Variants in SLC44A5 observed in about 807,000 individuals in gnomAD.
The protein encoded by SLC44A5 is choline transporter-like protein 5.
Under a neutral mutation model 101.8 loss-of-function variants are expected in SLC44A5, and 57 were observed. The observed-to-expected ratio is 0.56, with a 90% CI of 0.45 to 0.70. SLC44A5 has a LOEUF of 0.70. Ranked by LOEUF, SLC44A5 falls within the 30% of genes least tolerant of loss-of-function variation. The pLI is 0.00. For missense variants in SLC44A5, 737 were observed against 853.1 expected, an observed-to-expected ratio of 0.86 and a Z score of 1.70; for synonymous variants, 281 against 290.9, an observed-to-expected ratio of 0.97 and a Z score of 0.35.
chr1:75,436,080 T>C (rs1182229499), intron 2 of SLC44A5, among the ~76,000 whole-genome samples: 1 of 152,210 alleles, frequency 6.6e-6, no homozygotes, highest in Admixed American at 6.5e-5. Context: ...AACAAATTTG[T>C]ATTTTATTTC....
chr1:75,206,856 A>G (rs1646758300), intron 23 of SLC44A5: 11 of 562,986 alleles, frequency 2.0e-5, no homozygotes, highest in Non-Finnish European at 3.1e-6. Flanking sequence ...AAATTAGTGC[A>G]GTTTACTTGC....
At chr1:75,216,013 TA>T (rs1646954829) in intron 18 of SLC44A5, among the ~76,000 whole-genome samples, 156 bp from the exon 19 acceptor site, 2 of 152,088 alleles carry the variant, frequency 1.3e-5, no homozygotes, top group African/African-American at 4.8e-5. Flanking sequence ...TTTTTAAGTG[TA>T]CAGTTCAGTG....
Position 75,203,681 on chromosome 1 carries a change from A to T in SLC44A5, c.*46T>A. ...AACAAATGTTGCACAGACACAGCAG[A>T]TGGAGAAAAGGTAACACACAGCTGT... On this transcript the variant is annotated 3_prime_UTR_variant, in exon 24 of 24. Transcript: ENST00000370859. 1.3e-6 allele frequency: 2 copies of T among 1,520,728 alleles called. No individual in the cohort carries two copies. Among genetic ancestry groups the T allele is most frequent in the Non-Finnish European group, 1.8e-6 (2 of 1,132,854 alleles). 94.2% of individuals were successfully genotyped at this position (1,520,728 alleles called of 1,614,324 possible).
chr1:75,535,452 CA>C (rs1455879043), intron 2 of SLC44A5, among the ~76,000 whole-genome samples: 2 of 152,138 alleles, frequency 1.3e-5, no homozygotes, highest in Non-Finnish European at 2.9e-5. Flanking sequence ...CGTGTGGAAA[CA>C]ATGCCAAAGG....
the SLC44A5 span, among the ~76,000 whole-genome samples, chr1:75,662,110 A>C: frequency 6.6e-6 from 1 of 152,114 alleles, no homozygotes; most frequent in Non-Finnish European, 1.5e-5. Flanking sequence ...GTCCATCAAT[A>C]GATAAACTGA....
At chr1:75,511,190 G>GA (rs1413984409) in intron 2 of SLC44A5, among the ~76,000 whole-genome samples, 1 of 152,082 alleles carries the variant, frequency 6.6e-6, no homozygotes, top group African/African-American at 2.4e-5. Context: ...CAAACCTTGG[G>GA]AAAAATTCAA....
chr1:75,616,050 G>C (rs1386330271), upstream of SLC44A5, among the ~76,000 whole-genome samples: 3 of 151,840 alleles, frequency 2.0e-5, no homozygotes, highest in East Asian at 1.9e-4. Flanking sequence ...AGCTCGGCTC[G>C]GCTCGGCTGG....
the SLC44A5 span, among the ~76,000 whole-genome samples, chr1:75,656,179 G>C: frequency 6.6e-6 from 1 of 152,154 alleles, no homozygotes; most frequent in African/African-American, 2.4e-5. Flanking sequence ...CAAACATGAA[G>C]ACAAAATAAA....
chr1:75,274,950 A>G lies in SLC44A5; in HGVS notation c.260+8T>C, dbSNP rs776467659. The G allele has an allele frequency of 1.2e-5, 19 of 1,609,246 alleles. No individual in the cohort carries two copies. The Admixed American group carries it at 3.0e-4, about 26-fold the overall frequency. On this transcript the variant is annotated splice_region_variant and intron_variant, in intron 6 of 23. Coordinates refer to ENST00000370859, the MANE Select transcript of SLC44A5 (RefSeq NM_001130058.2). ...AAAATCACACAAAGCAAAGGTGGCC[A>G]TACTCACTCATTGGGAGTGCCCTTC... is the stretch of plus-strand genomic sequence containing the variant.
intron 10 of SLC44A5, among the ~76,000 whole-genome samples, chr1:75,237,641 CT>C (rs1184178628): frequency 6.6e-6 from 1 of 152,006 alleles, no homozygotes; most frequent in Non-Finnish European, 1.5e-5. Flanking sequence ...CCTAAGTTTT[CT>C]TTTTCATTTT....
chr1:75,561,506 A>G (rs938930689), intron 1 of SLC44A5, among the ~76,000 whole-genome samples: 1 of 152,170 alleles, frequency 6.6e-6, no homozygotes, highest in Non-Finnish European at 1.5e-5. Context: ...ACTAACACCT[A>G]TAACATTCAA....
At chr1:75,208,096 C>T (rs1254299602) in intron 23 of SLC44A5, among the ~76,000 whole-genome samples, 9 of 152,214 alleles carry the variant, frequency 5.9e-5, no homozygotes, top group Admixed American at 2.0e-4. Flanking sequence ...TGAAAGTTCT[C>T]GAGTTAATAA....
At chr1:75,482,358 C>T (rs1446468999) in intron 2 of SLC44A5, among the ~76,000 whole-genome samples, 1 of 151,988 alleles carries the variant, frequency 6.6e-6, no homozygotes, top group Non-Finnish European at 1.5e-5. Context: ...CAGCATGGCA[C>T]ATGTGTACAT....
Position 75,251,203 on chromosome 1 carries a change from G to C in SLC44A5, c.345+7C>G. The C allele has an allele frequency of 6.2e-7, 1 of 1,606,856 alleles. No individual in the cohort carries two copies. The highest frequency in any genetic ancestry group is 1.1e-5 in the South Asian group (1 of 90,786). On this transcript the variant is annotated splice_region_variant and intron_variant, in intron 7 of 23. Transcript: ENST00000370859. The stretch of plus-strand genomic sequence containing the variant: ...TGACACTACCAGTGAGGCACCTTTT[G>C]CCTTACCTGTGTGGTAGGGCACTGT...
At chr1:75,223,400 T>A (rs1186667795) in intron 13 of SLC44A5, among the ~76,000 whole-genome samples, 3 of 152,180 alleles carry the variant, frequency 2.0e-5, no homozygotes, top group Non-Finnish European at 4.4e-5. Context: ...ATTTCCTCAT[T>A]TCTAAGACAT....
At chr1:75,212,993 G>T (rs557616893) in intron 22 of SLC44A5, among the ~76,000 whole-genome samples, 2 of 152,002 alleles carry the variant, frequency 1.3e-5, no homozygotes, top group African/African-American at 4.8e-5. Flanking sequence ...TTATACCCTC[G>T]TGCAGGGGTC....
In SLC44A5 at chr1:75,492,286, A is replaced by G. The variant is rs138420325; in HGVS notation, c.13+49149T>C. Among the ~76,000 whole-genome samples the G allele has an allele frequency of 4.8e-3, 725 of 152,306 alleles. 2 individuals are homozygous for G. Among genetic ancestry groups the G allele is most frequent in the African/African-American group, 0.017 (698 of 41,562 alleles). ...GCTTTTAAATTACAATAACAGGAAA[A>G]TGAAATGAAAGCAACTAGCCTGTCA... On this transcript the variant is annotated intron_variant, in intron 2 of 23. Coordinates refer to ENST00000370859, the MANE Select transcript of SLC44A5 (RefSeq NM_001130058.2).
intron 3 of SLC44A5, among the ~76,000 whole-genome samples, chr1:75,392,936 G>T (rs1031928377): frequency 6.6e-5 from 10 of 152,164 alleles, no homozygotes; most frequent in Non-Finnish European, 1.3e-4. Context: ...TCCCGTATAA[G>T]TGGGAGCTAA....
At chr1:75,649,537 T>A in the SLC44A5 span, among the ~76,000 whole-genome samples, 1 of 152,186 alleles carries the variant, frequency 6.6e-6, no homozygotes, top group East Asian at 1.9e-4. Context: ...GGAGACCTGA[T>A]CTAATCTCTT....
Sources: gnomAD v4.1 joint callset for allele counts (sites outside exome capture counted in the v4.1 genomes callset) on GRCh38, gnomAD v4.1.1 for gene constraint, MANE v1.5 for transcripts, NCBI Gene and HGNC (gene_info 2026-07-23, HGNC 2026-07-21) for gene names.